The following SLAIN2 variants were observed in gnomAD, a reference collection of about 807,000 sequenced individuals.
The protein encoded by SLAIN2 is SLAIN motif-containing protein 2.
In SLAIN2, 31 loss-of-function variants were observed where a neutral mutation model predicts 56.6. The observed-to-expected ratio is 0.55, with a 90% CI of 0.41 to 0.74. The LOEUF (loss-of-function observed/expected upper bound fraction) is 0.74. Among genes scored for constraint, SLAIN2 ranks in the 30% least tolerant of loss-of-function variants. The pLI is 0.00. For synonymous variants in SLAIN2, 317 were observed against 284.9 expected, an observed-to-expected ratio of 1.11 and a Z score of -1.13; for missense variants, 777 against 754.2, an observed-to-expected ratio of 1.03 and a Z score of -0.35.
chr4:48,342,882 A>G (rs1417323760), intron 1 of SLAIN2, among the ~76,000 whole-genome samples: 2 of 152,076 alleles, frequency 1.3e-5, no homozygotes, highest in African/African-American at 4.8e-5. Context: ...GCAGAGAAAA[A>G]GAGTCCTATT....
intron 4 of SLAIN2, among the ~76,000 whole-genome samples, chr4:48,380,659 T>C (rs1260732328): frequency 6.6e-6 from 1 of 152,194 alleles, no homozygotes; most frequent in African/African-American, 2.4e-5. Context: ...GTGCATTTCA[T>C]TAGAAGATGC....
At chr4:48,407,785 C>T (rs1716739048) in intron 6 of SLAIN2, among the ~76,000 whole-genome samples, 1 of 152,146 alleles carries the variant, frequency 6.6e-6, no homozygotes, top group Non-Finnish European at 1.5e-5. Context: ...ACCATTACCA[C>T]TATCTTATTT....
chr4:48,391,282 A>T (rs1265431733), intron 6 of SLAIN2, among the ~76,000 whole-genome samples: 1 of 152,222 alleles, frequency 6.6e-6, no homozygotes, highest in Non-Finnish European at 1.5e-5. Flanking sequence ...GAACATGTGT[A>T]GTGGAATCCA....
At chr4:48,383,240 A>C (rs116754373) in intron 5 of SLAIN2, among the ~76,000 whole-genome samples, 3,133 of 152,006 alleles carry the variant, frequency 0.021, 116 homozygotes, top group African/African-American at 0.072. Context: ...TCACTATGAA[A>C]GTAATACAAT....
intron 1 of SLAIN2, among the ~76,000 whole-genome samples, chr4:48,364,132 A>C (rs1003865590): frequency 2.1e-5 from 1 of 46,752 alleles, no homozygotes; most frequent in African/African-American, 8.3e-5. Flanking sequence ...GGTGGTTGCC[A>C]GGCAGAGGGT....
chr4:48,357,910 G>A (rs1345925184), intron 1 of SLAIN2, among the ~76,000 whole-genome samples: 1 of 150,890 alleles, frequency 6.6e-6, no homozygotes, highest in Non-Finnish European at 1.5e-5. Flanking sequence ...TGTTGCCCAA[G>A]TTGGTCTTGA....
chr4:48,420,335 C>G lies in SLAIN2; in HGVS notation c.1571C>G (p.Thr524Ser), dbSNP rs1717115314. ...PPSNINSATL[T>S]RPAGTTAMRS... ...AGCAATATCAACAGCGCTACTCTAA[C>G]CAGACCTGCAGGGACAACTGCAATG... Residue 524 changes from threonine (T) to serine (S), a missense_variant, in exon 7 of 8, where the codon ACC becomes AGC. Thr to Ser is a moderately conservative substitution (Grantham distance 58). Transcript: ENST00000264313. 1 of 1,614,020 alleles carries G rather than the reference C, an allele frequency of 6.2e-7. No individual in the cohort carries two copies. Among genetic ancestry groups the G allele is most frequent in the Non-Finnish European group, 8.5e-7 (1 of 1,179,882 alleles).
At chr4:48,400,644 G>T (rs571975704) in intron 6 of SLAIN2, among the ~76,000 whole-genome samples, 1 of 151,858 alleles carries the variant, frequency 6.6e-6, no homozygotes, top group South Asian at 2.1e-4. Flanking sequence ...TCAAGTGATC[G>T]CCCGCCTTGG....
intron 2 of SLAIN2, among the ~76,000 whole-genome samples, chr4:48,376,858 G>A (rs1484676161): frequency 4.7e-5 from 7 of 148,270 alleles, no homozygotes; most frequent in Admixed American, 2.7e-4. Context: ...TGATCCGCCC[G>A]CCTCGGCCTC....
chr4:48,341,971 G>T lies in SLAIN2; in HGVS notation c.232G>T (p.Gly78Trp), dbSNP rs1444218026. ...GGGCCTCAGCGCCAAGTCGGGCGGC[G>T]GGCCCGGGTCGGGCCCGAGGCGGAC... is the stretch of plus-strand genomic sequence containing the variant. Reference protein sequence around the residue: ...PLGLSAKSGGGPGSGPRRTSS... With the variant: ...PLGLSAKSGGWPGSGPRRTSS... The change falls in exon 1 of 8, where the codon GGG becomes TGG. Residue 78 changes from glycine (G) to tryptophan (W), a missense_variant. Gly to Trp is a radical substitution (Grantham distance 184). Transcript: ENST00000264313. 9 of 1,436,504 alleles carry T rather than the reference G, an allele frequency of 6.3e-6. No homozygotes were observed. The South Asian group carries it at 8.9e-5, about 14-fold the overall frequency. The allele number at this position is 1,436,504 out of a possible 1,614,324, so 89.0% of individuals were successfully genotyped here.
intron 6 of SLAIN2, among the ~76,000 whole-genome samples, chr4:48,396,046 T>C (rs1369757590): frequency 6.6e-6 from 1 of 152,102 alleles, no homozygotes. Flanking sequence ...AACTTAAAAT[T>C]TTTACCTAAA....
At chr4:48,379,500 A>G (rs1422710074) in intron 3 of SLAIN2, among the ~76,000 whole-genome samples, 190 bp from the exon 4 acceptor site, 1 of 152,106 alleles carries the variant, frequency 6.6e-6, no homozygotes, top group Non-Finnish European at 1.5e-5. Flanking sequence ...GCCATAGCAT[A>G]TAAAGGAGTC....
At chr4:48,414,432 T>A (rs1455893658) in intron 6 of SLAIN2, among the ~76,000 whole-genome samples, 6 of 152,198 alleles carry the variant, frequency 3.9e-5, no homozygotes, top group African/African-American at 1.4e-4. Flanking sequence ...ATTTTACATT[T>A]TACTAACAAT....
intron 6 of SLAIN2, among the ~76,000 whole-genome samples, chr4:48,390,914 T>C (rs1297631621): frequency 2.6e-5 from 4 of 152,222 alleles, no homozygotes; most frequent in Non-Finnish European, 5.9e-5. Context: ...AAGCAACTGC[T>C]ACACAGAGAA....
At chr4:48,414,088 G>C (rs1716934762) in intron 6 of SLAIN2, among the ~76,000 whole-genome samples, 1 of 152,106 alleles carries the variant, frequency 6.6e-6, no homozygotes, top group African/African-American at 2.4e-5. Context: ...AGACACCAAG[G>C]TTAGGATTCT....
At chr4:48,364,952 C>T (rs1577715783) in intron 1 of SLAIN2, among the ~76,000 whole-genome samples, 1 of 151,972 alleles carries the variant, frequency 6.6e-6, no homozygotes, top group East Asian at 1.9e-4. Flanking sequence ...TAAGTCTATT[C>T]AGGTTCTCTT....
In SLAIN2 at chr4:48,341,604, G is replaced by A; in HGVS notation, c.-136G>A. ...TTGGAACCCGAGGTGGGGGGACCCT[G>A]GCGGTGGGGCCTGGTCCTGCTATAT... On this transcript the variant is annotated 5_prime_UTR_variant, in exon 1 of 8. Transcript: ENST00000264313. 1 of 1,304,798 alleles carries A rather than the reference G, an allele frequency of 7.7e-7. No individual in the cohort carries two copies. The allele number at this position is 1,304,798 out of a possible 1,614,324, so 80.8% of individuals were successfully genotyped here.
At chr4:48,371,988 ACG>A (rs1253959677) in intron 2 of SLAIN2, among the ~76,000 whole-genome samples, 6 of 138,018 alleles carry the variant, frequency 4.3e-5, no homozygotes, top group East Asian at 2.1e-4. Flanking sequence ...ACACACACAC[ACG>A]CGCGCACACA....
At chr4:48,349,418 G>C (rs1714952670) in intron 1 of SLAIN2, among the ~76,000 whole-genome samples, 1 of 152,172 alleles carries the variant, frequency 6.6e-6, no homozygotes, top group South Asian at 2.1e-4. Flanking sequence ...TTACAGATGA[G>C]ATACTTCACA....
Sources: allele counts gnomAD v4.1 joint callset (sites outside exome capture counted in the v4.1 genomes callset), GRCh38; gene constraint gnomAD v4.1.1; transcripts MANE v1.5; gene names NCBI Gene and HGNC (gene_info 2026-07-23, HGNC 2026-07-21).